Variants in DMXL2 observed in about 807,000 individuals in gnomAD.
DMXL2 encodes dmX-like protein 2.
A neutral mutation model predicts 331.1 loss-of-function variants in DMXL2; 103 were observed. That is an observed-to-expected ratio of 0.31 (90% CI 0.27 to 0.37). DMXL2 has a LOEUF of 0.37. DMXL2 is among the 10% of genes least tolerant of loss of function. DMXL2 has a pLI of 1.00. For synonymous variants in DMXL2, 1,281 were observed against 1,252.1 expected (o/e 1.02, Z -0.49); for missense variants, 3,171 against 3,642.9 (o/e 0.87, Z 3.33).
rs766647941 is a variant in DMXL2, at chr15:51,466,212, G to A, written c.7492C>T (p.Gln2498Ter). 6.4e-7 allele frequency: 1 copy of A among 1,572,580 alleles called. No individual in the cohort carries two copies. Among genetic ancestry groups the A allele is most frequent in the Non-Finnish European group, 8.6e-7 (1 of 1,165,790 alleles). Residue 2498 changes from glutamine (Q) to a stop codon, truncating the protein, a stop_gained, in exon 30 of 44, where the codon CAG becomes TAG. Coordinates refer to ENST00000560891, the MANE Select transcript of DMXL2 (RefSeq NM_001378457.1). LOFTEE classifies it high-confidence loss of function. The part of the protein sequence containing the change: ...DDAFFSDTQI[Q>*]EHQDPNSYSW... ...TAGGAATTTGGATCTTGGTGCTCCT[G>A]TATTTGTGTATCTGAAAAAAAGGCA...
intron 1 of DMXL2, among the ~76,000 whole-genome samples, chr15:51,600,297 G>A (rs2053138364): frequency 6.6e-6 from 1 of 152,114 alleles, no homozygotes; most frequent in Non-Finnish European, 1.5e-5. Flanking sequence ...AGGAGAGCTA[G>A]GTAGAATCTA....
intron 15 of DMXL2, among the ~76,000 whole-genome samples, chr15:51,511,555 G>T (rs2046756739): frequency 6.6e-6 from 1 of 152,218 alleles, no homozygotes; most frequent in Admixed American, 6.5e-5. Context: ...TGCTGGAGAG[G>T]ATGTGGAGAA....
intron 13 of DMXL2, among the ~76,000 whole-genome samples, chr15:51,530,167 G>A (rs1814322073): frequency 6.6e-6 from 1 of 152,082 alleles, no homozygotes; most frequent in South Asian, 2.1e-4. Context: ...CTAAGATCTA[G>A]AACACAATAA....
At position 51,486,343 on chromosome 15, in the gene DMXL2, A is replaced by T. The variant is rs759220563; in HGVS notation, c.5218-6T>A. 6.4e-7 allele frequency: 1 copy of T among 1,559,282 alleles called. No homozygotes were observed. The highest frequency in any genetic ancestry group is 2.3e-5 in the East Asian group (1 of 44,242). ...TCCATTTTTTCAAGACATACCTGCA[A>T]ATTTAAATATTAATACTTATCTTAC... On this transcript the variant is annotated splice_region_variant and splice_polypyrimidine_tract_variant and intron_variant, in intron 22 of 43. Coordinates refer to ENST00000560891, the MANE Select transcript of DMXL2 (RefSeq NM_001378457.1).
chr15:51,594,764 G>A (rs1432269064), intron 1 of DMXL2, among the ~76,000 whole-genome samples: 4 of 152,022 alleles, frequency 2.6e-5, no homozygotes, highest in Non-Finnish European at 2.9e-5. Context: ...TTCAACATAC[G>A]CAAATCAATA....
chr15:51,532,870 T>C (rs116756785), intron 13 of DMXL2, among the ~76,000 whole-genome samples: 186 of 152,202 alleles, frequency 1.2e-3, no homozygotes, highest in African/African-American at 4.0e-3. Context: ...AGAGATAAAA[T>C]TGTTCCCATT....
At chr15:51,503,228 C>T (rs1465722305) in intron 16 of DMXL2, among the ~76,000 whole-genome samples, 195 bp from the exon 17 acceptor site, 1 of 151,930 alleles carries the variant, frequency 6.6e-6, no homozygotes, top group Non-Finnish European at 1.5e-5. Flanking sequence ...AGGTGTTTAC[C>T]CAAAGGAAAG....
chr15:51,541,555 G>T (rs191092982), intron 9 of DMXL2, among the ~76,000 whole-genome samples: 170 of 152,176 alleles, frequency 1.1e-3, no homozygotes, highest in African/African-American at 3.9e-3. Context: ...TACCACTGCA[G>T]ATCACCCTTT....
In DMXL2 at chr15:51,495,093, C is replaced by T. The variant is rs1567026103; in HGVS notation, c.4714G>A (p.Ala1572Thr). 1 of 1,613,160 alleles carries T rather than the reference C, an allele frequency of 6.2e-7. No individual in the cohort carries two copies. Among genetic ancestry groups the T allele is most frequent in the Non-Finnish European group, 8.5e-7 (1 of 1,179,344 alleles). ...LDECGLRYLLAMRLHTCLLTS... is the reference protein window; with the variant it reads ...LDECGLRYLLTMRLHTCLLTS... The stretch of plus-strand genomic sequence containing the variant: ...AAAAGGCATGTGTGTAGGCGCATAG[C>T]TAACAAGTATCTCAAACCACACTCA... The change falls in exon 19 of 44, where the codon GCT becomes ACT. Residue 1572 changes from alanine to threonine, a missense_variant. Ala to Thr is a moderately conservative substitution (Grantham distance 58). Around this residue, in one of 7 missense-constraint regions of DMXL2, gnomAD observed 252 missense variants for 387.4 expected, o/e 0.65. Coordinates refer to ENST00000560891, the MANE Select transcript of DMXL2 (RefSeq NM_001378457.1).
At chr15:51,488,356 T>C (rs1042413466) in intron 21 of DMXL2, among the ~76,000 whole-genome samples, 192 bp downstream of exon 21, 2 of 152,228 alleles carry the variant, frequency 1.3e-5, no homozygotes, top group Admixed American at 6.5e-5. Context: ...TTTTATCAAC[T>C]TTTAAAACAT....
intron 6 of DMXL2, among the ~76,000 whole-genome samples, chr15:51,553,560 G>A (rs916967642): frequency 6.6e-6 from 1 of 152,054 alleles, no homozygotes; most frequent in Non-Finnish European, 1.5e-5. Flanking sequence ...CCACTTACAC[G>A]TGAATTTTCT....
At chr15:51,472,099 T>C (rs983178152) in intron 28 of DMXL2, among the ~76,000 whole-genome samples, 2 of 152,196 alleles carry the variant, frequency 1.3e-5, no homozygotes, top group African/African-American at 4.8e-5. Flanking sequence ...GAGGAAGGGT[T>C]GTATATGAGT....
intron 37 of DMXL2, 136 bp downstream of exon 37, chr15:51,457,192 A>C (rs963117002): frequency 1.1e-6 from 1 of 946,064 alleles, no homozygotes; most frequent in South Asian, 1.9e-5. Context: ...AGCCACAATA[A>C]ATGTCAGCTG....
chr15:51,568,724 C>A (rs532217752), intron 2 of DMXL2, among the ~76,000 whole-genome samples, 166 bp from the exon 3 acceptor site: 1 of 152,274 alleles, frequency 6.6e-6, no homozygotes, highest in Admixed American at 6.5e-5. Flanking sequence ...AAGAGTCTCT[C>A]CCCTGTTATC....
intron 14 of DMXL2, 96 bp from the exon 15 acceptor site, chr15:51,514,655 T>C (rs2046933411): frequency 2.8e-6 from 2 of 724,252 alleles, no homozygotes; most frequent in Non-Finnish European, 4.7e-6. Context: ...GCAGAAGAAA[T>C]ATATCTAACA....
At chr15:51,498,531 A>AT (rs1216793405) in intron 18 of DMXL2, 21 bp downstream of exon 18, 3 of 1,588,326 alleles carry the variant, frequency 1.9e-6, no homozygotes, top group Non-Finnish European at 2.6e-6. Flanking sequence ...AACTTTATAA[A>AT]TTTTTAGCGA....
intron 13 of DMXL2, among the ~76,000 whole-genome samples, chr15:51,530,065 T>C (rs140969636): frequency 6.5e-4 from 99 of 152,254 alleles, no homozygotes; most frequent in African/African-American, 2.2e-3. Flanking sequence ...CAGCCCTTCA[T>C]GATGAAAACT....
intron 1 of DMXL2, among the ~76,000 whole-genome samples, chr15:51,591,071 G>A (rs1169503800): frequency 1.3e-5 from 2 of 152,200 alleles, no homozygotes; most frequent in Non-Finnish European, 2.9e-5. Context: ...ACTGGGGAGT[G>A]TCGGAAAGTG....
rs1331254283 is a variant in DMXL2, at chr15:51,448,856, T to G, written c.*128A>C. The G allele has an allele frequency of 2.2e-6, 2 of 915,782 alleles. No individual in the cohort carries two copies. Among genetic ancestry groups the G allele is most frequent in the East Asian group, 5.3e-5 (2 of 37,896 alleles). 56.7% of individuals were successfully genotyped at this position (915,782 alleles called of 1,614,324 possible). On this transcript the variant is annotated 3_prime_UTR_variant, in exon 44 of 44. Coordinates refer to ENST00000560891, the MANE Select transcript of DMXL2 (RefSeq NM_001378457.1). ...CAACCTGTTTAGATAATACTCAGCT[T>G]GGGTCATATTCAAATTCTACACAGA...
Sources: allele counts gnomAD v4.1 joint callset (sites outside exome capture counted in the v4.1 genomes callset), GRCh38; gene constraint gnomAD v4.1.1; regional missense constraint gnomAD v4.1.1; transcripts MANE v1.5; gene names NCBI Gene and HGNC (gene_info 2026-07-23, HGNC 2026-07-21).